The following SLA2 variants were observed in gnomAD, a reference collection of about 807,000 sequenced individuals.
SLA2 encodes the protein Src like adaptor 2.
A neutral mutation model predicts 27.3 loss-of-function variants in SLA2; 22 were observed. That is an observed-to-expected ratio of 0.81 (90% CI 0.58 to 1.15). The LOEUF is 1.15. Among genes scored for constraint, SLA2 ranks in the 50% most tolerant of loss-of-function variants. SLA2 has a pLI of 0.00. For missense variants in SLA2, 304 were observed against 322.2 expected, an observed-to-expected ratio of 0.94 and a Z score of 0.43; for synonymous variants, 131 against 137.8, an observed-to-expected ratio of 0.95 and a Z score of 0.34.
intron 1 of SLA2, among the ~76,000 whole-genome samples, chr20:36,643,680 G>C (rs777819066): frequency 6.6e-6 from 1 of 152,150 alleles, no homozygotes; most frequent in African/African-American, 2.4e-5. Context: ...GGCCGGGCGC[G>C]GTGGCTCATG....
intron 6 of SLA2, 26 bp downstream of exon 6, chr20:36,615,199 G>A (rs772543076): frequency 8.7e-6 from 14 of 1,613,834 alleles, no homozygotes; most frequent in Non-Finnish European, 1.1e-5. Context: ...TCCCAGCCTA[G>A]TCCTGGAGGC....
At chr20:36,615,875 G>A (rs1348929473) in intron 5 of SLA2, among the ~76,000 whole-genome samples, 1 of 152,238 alleles carries the variant, frequency 6.6e-6, no homozygotes, top group East Asian at 1.9e-4. Flanking sequence ...TATGCACAGC[G>A]GCATTGTTTG....
intron 5 of SLA2, among the ~76,000 whole-genome samples, chr20:36,631,741 C>T (rs943154329): frequency 9.9e-5 from 15 of 152,102 alleles, no homozygotes; most frequent in African/African-American, 2.9e-4. Context: ...GGACCATGGC[C>T]ACCTCACTCA....
chr20:36,625,381 C>A (rs1479229874), intron 5 of SLA2, among the ~76,000 whole-genome samples: 2 of 152,050 alleles, frequency 1.3e-5, no homozygotes, highest in African/African-American at 4.8e-5. Flanking sequence ...TGCCACCATG[C>A]CTGTCTAATT....
Position 36,613,557 on chromosome 20 carries a change from C to T in SLA2, c.*309G>A. On this transcript the variant is annotated 3_prime_UTR_variant, in exon 8 of 8. Coordinates refer to ENST00000262866, the MANE Select transcript of SLA2 (RefSeq NM_032214.4). ...CAGGGCATCCAGATGGTACTGGAAA[C>T]CCCAAACTCAAGAACTAACTAGGTC... 1 of 242,562 alleles carries T rather than the reference C, an allele frequency of 4.1e-6. No individual in the cohort carries two copies. Among genetic ancestry groups the T allele is most frequent in the Non-Finnish European group, 8.0e-6 (1 of 125,702 alleles). 15.0% of individuals were successfully genotyped at this position (242,562 alleles called of 1,614,324 possible). A position where few individuals can be genotyped will look rare whatever the true frequency, so the allele number is the denominator to read the frequency against.
intron 5 of SLA2, among the ~76,000 whole-genome samples, chr20:36,618,146 C>CAAA (rs1222101095): frequency 1.5e-5 from 1 of 64,658 alleles, no homozygotes; most frequent in Non-Finnish European, 3.3e-5. Flanking sequence ...GACTCCGTCT[C>CAAA]AAAAAAAAAA....
chr20:36,636,627 T>A (rs200724092), intron 2 of SLA2, among the ~76,000 whole-genome samples: 14,283 of 74,644 alleles, frequency 0.19, 1,018 homozygotes, highest in Non-Finnish European at 0.25. Flanking sequence ...AAAAAAAATA[T>A]ATATATATAT....
intron 5 of SLA2, among the ~76,000 whole-genome samples, chr20:36,624,202 A>G (rs1462126412): frequency 6.6e-6 from 1 of 152,086 alleles, no homozygotes; most frequent in Non-Finnish European, 1.5e-5. Flanking sequence ...CTCTCTTCTC[A>G]GCAGGAAGGA....
chr20:36,626,382 C>T (rs2062068889), intron 5 of SLA2, among the ~76,000 whole-genome samples: 1 of 147,160 alleles, frequency 6.8e-6, no homozygotes, highest in Non-Finnish European at 1.5e-5. Context: ...CAGAACGAGA[C>T]TCCGTCTAAA....
At position 36,615,368 on chromosome 20, in the gene SLA2, T is replaced by G. The variant is rs1234553118; in HGVS notation, c.389A>C (p.Tyr130Ser). 1.2e-6 allele frequency: 2 copies of G among 1,612,996 alleles called. No homozygotes were observed. Among genetic ancestry groups the G allele is most frequent in the Non-Finnish European group, 1.7e-6 (2 of 1,179,846 alleles). Residue 130 changes from tyrosine (Y) to serine (S), a missense_variant, in exon 6 of 8, where the codon TAC (tyrosine) becomes TCC (serine). Tyr to Ser is a moderately radical substitution (Grantham distance 144). Transcript: ENST00000262866. ...IRESQTRRGS[Y>S]SLSVRLSRPA... ...GCGGCTGAGGCGGACTGACAGAGAG[T>G]AAGAGCCTGAGGAGAAAGGGGTCCA...
intron 5 of SLA2, among the ~76,000 whole-genome samples, chr20:36,626,682 C>T (rs2039341927): frequency 6.6e-6 from 1 of 150,762 alleles, no homozygotes; most frequent in African/African-American, 2.4e-5. Context: ...CCCATCTCTA[C>T]TAATACAAAA....
intron 2 of SLA2, among the ~76,000 whole-genome samples, chr20:36,635,470 G>A (rs532809196): frequency 1.3e-5 from 2 of 151,640 alleles, no homozygotes; most frequent in Non-Finnish European, 2.9e-5. Context: ...GAGCAGACAA[G>A]GATGGGGGTG....
rs553809215 is a variant in SLA2 at position 36,638,619 on chromosome 20, GC to G, written c.91+2625del. ...GCTGGGGTTACAGGCATGAGCCACC[GC>G]CCCTAGCCAATTTAGGTGATTTAAC... On this transcript the variant is annotated intron_variant, in intron 2 of 7. Transcript: ENST00000262866. Among the ~76,000 whole-genome samples the G allele has an allele frequency of 6.8e-4, 103 of 152,184 alleles. No individual in the cohort carries two copies. The East Asian group carries it at 0.01, about 15-fold the overall frequency.
intron 2 of SLA2, among the ~76,000 whole-genome samples, chr20:36,639,855 C>T (rs1241041735): frequency 1.3e-5 from 2 of 148,998 alleles, no homozygotes; most frequent in African/African-American, 2.5e-5. Flanking sequence ...AGTGAGACTC[C>T]GTCTCAAAAA....
chr20:36,612,325 A>G lies in SLA2; in HGVS notation c.*1541T>C. On this transcript the variant is annotated 3_prime_UTR_variant, in exon 8 of 8. Transcript: ENST00000262866. Reference sequence around the variant, plus strand: ...ATCAAGTAACAGCTATTATTTGCCAAGTGGAGCTGTCATTTAATTTGATGC... The same window carrying G: ...ATCAAGTAACAGCTATTATTTGCCAGGTGGAGCTGTCATTTAATTTGATGC... The G allele has an allele frequency of 1.8e-6, 2 of 1,085,434 alleles. No homozygotes were observed. The highest frequency in any genetic ancestry group is 1.3e-5 in the South Asian group (1 of 74,692). The allele number at this position is 1,085,434 out of a possible 1,614,324, so 67.2% of individuals were successfully genotyped here.
chr20:36,613,985 A>T lies in SLA2; in HGVS notation c.667T>A (p.Ser223Thr). 6.2e-7 allele frequency: 1 copy of T among 1,613,808 alleles called. No individual in the cohort carries two copies. The highest frequency in any genetic ancestry group is 1.7e-5 in the Admixed American group (1 of 59,922). The change falls in exon 8 of 8, where the codon TCC becomes ACC. Residue 223 changes from serine to threonine, a missense_variant and splice_region_variant. Transcript: ENST00000262866. ...TPLNWKELDS[S>T]LLFSEAATGE... ...GTGGCAGCTTCAGAAAACAGGAGGG[A>T]GCTGTGGACAAAGGAAGATAATTGG...
chr20:36,626,389 TAAA>T (rs1406502143), intron 5 of SLA2, among the ~76,000 whole-genome samples: 1 of 133,896 alleles, frequency 7.5e-6, no homozygotes, highest in African/African-American at 2.8e-5. Flanking sequence ...AGACTCCGTC[TAAA>T]AAAAAAAAAA....
At chr20:36,640,163 C>G (rs1600833792) in intron 2 of SLA2, among the ~76,000 whole-genome samples, 1 of 152,104 alleles carries the variant, frequency 6.6e-6, no homozygotes, top group South Asian at 2.1e-4. Context: ...TAAAATTTAG[C>G]CAGGCATGGT....
intron 3 of SLA2, 23 bp from the exon 4 acceptor site, chr20:36,633,652 G>T: frequency 6.3e-7 from 1 of 1,598,492 alleles, no homozygotes; most frequent in Non-Finnish European, 8.6e-7. Flanking sequence ...AGGAGTGGGG[G>T]CACCTCTTTC....
Sources: gnomAD v4.1 joint callset for allele counts (sites outside exome capture counted in the v4.1 genomes callset) on GRCh38, gnomAD v4.1.1 for gene constraint, MANE v1.5 for transcripts, NCBI Gene and HGNC (gene_info 2026-07-23, HGNC 2026-07-21) for gene names.